Variants in EML4 observed in about 807,000 individuals in gnomAD.
The protein encoded by EML4 is EMAP like 4, also known as echinoderm microtubule-associated protein-like 4.
A neutral mutation model predicts 129.0 loss-of-function variants in EML4; 72 were observed. The observed-to-expected ratio is 0.56, with a 90% confidence interval of 0.46 to 0.68. EML4 has a LOEUF of 0.68. EML4 is among the 30% of genes least tolerant of loss of function. The pLI is 0.00. For synonymous variants in EML4, 532 were observed against 405.0 expected (o/e 1.31, Z -3.77); for missense variants, 1,363 against 1,190.6 (o/e 1.14, Z -2.13).
In EML4 at chr2:42,301,247, A is replaced by T. The variant is rs1668268858; in HGVS notation, c.1496A>T (p.Tyr499Phe). Residue 499 changes from tyrosine to phenylalanine, a missense_variant, in exon 14 of 23, where the codon TAT (tyrosine) becomes TTT (phenylalanine). By Grantham distance (22) the Tyr-to-Phe change is conservative. Transcript: ENST00000318522. The part of the protein sequence containing the change: ...PTPGKGPKGV[Y>F]QISKQIKAHD... ...TATTTTTCCCTCATATTAGGTGTAT[A>T]TCAAATCAGCAAACAAATCAAAGCT... The T allele has an allele frequency of 6.2e-7, 1 of 1,610,926 alleles. No individual in the cohort carries two copies. Among genetic ancestry groups the T allele is most frequent in the Non-Finnish European group, 8.5e-7 (1 of 1,178,912 alleles).
chr2:42,288,344 T>C (rs745470002), intron 11 of EML4, 22 bp downstream of exon 11: 2 of 1,233,012 alleles, frequency 1.6e-6, no homozygotes, highest in South Asian at 2.5e-5. Context: ...AAAAACCGAG[T>C]ATTGTGTTTT....
chr2:42,311,664 T>G (rs182588375), intron 17 of EML4, among the ~76,000 whole-genome samples: 19 of 152,304 alleles, frequency 1.2e-4, no homozygotes, highest in Middle Eastern at 6.8e-3. Context: ...GTCAGTTCAG[T>G]CTGAATTGGG....
At chr2:42,199,586 T>C (rs1391461549) in intron 1 of EML4, among the ~76,000 whole-genome samples, 4 of 152,182 alleles carry the variant, frequency 2.6e-5, no homozygotes, top group Non-Finnish European at 5.9e-5. Context: ...AAAGAATAGT[T>C]GCCGTTTTGA....
At chr2:42,221,298 C>G (rs56312792) in intron 1 of EML4, among the ~76,000 whole-genome samples, 1 of 151,574 alleles carries the variant, frequency 6.6e-6, no homozygotes, top group African/African-American at 2.4e-5. Context: ...ATTGACCATT[C>G]TGAAAATCCT....
chr2:42,231,817 C>G (rs1204636070), intron 1 of EML4, among the ~76,000 whole-genome samples: 1 of 152,016 alleles, frequency 6.6e-6, no homozygotes, highest in African/African-American at 2.4e-5. Flanking sequence ...GGCGTCATGG[C>G]GGGCACCTTT....
intron 1 of EML4, among the ~76,000 whole-genome samples, chr2:42,225,300 C>A (rs1434416316): frequency 6.6e-6 from 1 of 151,990 alleles, no homozygotes; most frequent in African/African-American, 2.4e-5. Flanking sequence ...ATATGGTAAT[C>A]CTGTTTAATT....
At chr2:42,201,976 A>G (rs1262782806) in intron 1 of EML4, among the ~76,000 whole-genome samples, 2 of 151,944 alleles carry the variant, frequency 1.3e-5, no homozygotes, top group Admixed American at 1.3e-4. Context: ...CCAGCTCCTC[A>G]GGAGGCTGAG....
At chr2:42,188,945 A>T (rs981307008) in intron 1 of EML4, among the ~76,000 whole-genome samples, 1 of 152,170 alleles carries the variant, frequency 6.6e-6, no homozygotes, top group African/African-American at 2.4e-5. Flanking sequence ...TTCCCAGGTA[A>T]AAATAGACAT....
chr2:42,252,425 A>C (rs182024004), intron 2 of EML4, among the ~76,000 whole-genome samples: 54 of 152,276 alleles, frequency 3.5e-4, no homozygotes, highest in Non-Finnish European at 5.1e-4. Context: ...CCACCATCTT[A>C]TTCTCAGACC....
chr2:42,222,755 A>G (rs1673686951), intron 1 of EML4, among the ~76,000 whole-genome samples: 1 of 152,038 alleles, frequency 6.6e-6, no homozygotes, highest in African/African-American at 2.4e-5. Context: ...ATAGCCCTCC[A>G]CATTGATATA....
At chr2:42,202,016 G>C (rs1405011142) in intron 1 of EML4, among the ~76,000 whole-genome samples, 2 of 152,004 alleles carry the variant, frequency 1.3e-5, no homozygotes, top group Non-Finnish European at 2.9e-5. Flanking sequence ...TCGGGGGGCA[G>C]AGGTTGCAGT....
chr2:42,311,232 A>G (rs1457957948), intron 17 of EML4, among the ~76,000 whole-genome samples: 1 of 152,234 alleles, frequency 6.6e-6, no homozygotes, highest in Non-Finnish European at 1.5e-5. Context: ...GATTAAACTG[A>G]CTTTGAAACA....
intron 1 of EML4, among the ~76,000 whole-genome samples, chr2:42,230,197 C>T (rs566077007): frequency 1.3e-5 from 2 of 152,252 alleles, no homozygotes; most frequent in South Asian, 4.1e-4. Flanking sequence ...ACAAATCAAC[C>T]ACTGTTTGGA....
intron 13 of EML4, among the ~76,000 whole-genome samples, chr2:42,296,878 A>G (rs1037027801): frequency 6.6e-6 from 1 of 152,214 alleles, no homozygotes; most frequent in Non-Finnish European, 1.5e-5. Flanking sequence ...ATATCCCGAT[A>G]AATCTATCAT....
intron 2 of EML4, among the ~76,000 whole-genome samples, chr2:42,255,223 C>T (rs1474374619): frequency 6.6e-6 from 1 of 151,940 alleles, no homozygotes; most frequent in Non-Finnish European, 1.5e-5. Flanking sequence ...GTAGCTGGGA[C>T]TACAGGCGCT....
chr2:42,224,736 G>A (rs944204276), intron 1 of EML4, among the ~76,000 whole-genome samples: 1 of 152,050 alleles, frequency 6.6e-6, no homozygotes, highest in African/African-American at 2.4e-5. Flanking sequence ...TAGCCATCCT[G>A]ATGGTGTGAA....
intron 1 of EML4, among the ~76,000 whole-genome samples, chr2:42,170,900 AAAGT>A (rs1670233735): frequency 1.3e-5 from 2 of 152,238 alleles, no homozygotes; most frequent in Admixed American, 1.3e-4. Flanking sequence ...CTAAAGTAAA[AAAGT>A]AAGTCAAAGA....
At chr2:42,185,170 A>G (rs2719129) in intron 1 of EML4, among the ~76,000 whole-genome samples, 93,039 of 151,976 alleles carry the variant, frequency 0.61, 28,962 homozygotes, top group East Asian at 0.75. Context: ...TCGGGATTAG[A>G]GGTTGACAGA....
At position 42,250,759 on chromosome 2, in the gene EML4, G is replaced by A. The variant is rs187901631; in HGVS notation, c.208+5072G>A. ...TGGGGTGGGTGGGGGGAGGTGTTGG[G>A]ATCATTCAAACATACTACATTTGTT... On this transcript the variant is annotated intron_variant, in intron 2 of 22. Transcript: ENST00000318522. Among the ~76,000 whole-genome samples, 3 of 152,144 alleles carry A rather than the reference G, an allele frequency of 2.0e-5. No homozygotes were observed. The East Asian group carries it at 5.8e-4, about 29-fold the overall frequency.
Sources: allele counts gnomAD v4.1 joint callset (sites outside exome capture counted in the v4.1 genomes callset), GRCh38; gene constraint gnomAD v4.1.1; transcripts MANE v1.5; gene names NCBI Gene and HGNC (gene_info 2026-07-23, HGNC 2026-07-21).